ABLIM1: variants seen among roughly 807,000 people sequenced by gnomAD.
ABLIM1 encodes the protein actin binding LIM protein 1, also known as actin-binding LIM protein 1.
ABLIM1 carries 40 observed loss-of-function variants against 107.0 expected under a neutral mutation model. The ratio of observed to expected loss-of-function variants is 0.37; its 90% CI spans 0.29 to 0.49. The LOEUF (loss-of-function observed/expected upper bound fraction) is 0.49, where lower values mean the gene tolerates loss of function less well. ABLIM1 is among the 20% of genes least tolerant of loss of function. The pLI is 0.97. For synonymous variants in ABLIM1, 357 were observed against 357.3 expected (o/e 1.00, Z 0.01); for missense variants, 857 against 1,008.5 (o/e 0.85, Z 2.04).
intron 18 of ABLIM1, among the ~76,000 whole-genome samples, chr10:114,441,430 A>C (rs1252927468): frequency 2.6e-5 from 4 of 152,210 alleles, no homozygotes; most frequent in Non-Finnish European, 5.9e-5. Flanking sequence ...TCAAGTAATT[A>C]CTTTTTGTTT....
At chr10:114,617,204 G>A (rs1236559973) in intron 1 of ABLIM1, among the ~76,000 whole-genome samples, 1 of 150,740 alleles carries the variant, frequency 6.6e-6, no homozygotes, top group Admixed American at 6.6e-5. Context: ...GCCGAAGGCA[G>A]TTGAACACTG....
chr10:114,578,473 T>C (rs2483575), intron 2 of ABLIM1, among the ~76,000 whole-genome samples: 114,595 of 149,894 alleles, frequency 0.76, 44,739 homozygotes, highest in African/African-American at 0.91. Context: ...ATGGCATGAA[T>C]TCGGCTCACT....
chr10:114,582,779 T>A (rs1394061925), intron 2 of ABLIM1, among the ~76,000 whole-genome samples: 2 of 152,156 alleles, frequency 1.3e-5, no homozygotes, highest in Non-Finnish European at 2.9e-5. Flanking sequence ...CTCTATTCAA[T>A]AAACGGTGCT....
chr10:114,793,108 C>T, the ABLIM1 span, among the ~76,000 whole-genome samples: 5 of 152,068 alleles, frequency 3.3e-5, no homozygotes, highest in East Asian at 1.9e-4. Context: ...GCCGAGATCG[C>T]GCCTCTGCCC....
rs140009565 is a variant in ABLIM1, at chr10:114,553,056, T to C, written c.674-5280A>G. 2.9e-4 allele frequency among the ~76,000 whole-genome samples: 44 copies of C among 151,982 alleles called. 1 individual carries two copies. In the East Asian group the frequency reaches 7.4e-3, roughly 25 times the overall value. On this transcript the variant is annotated intron_variant, in intron 4 of 22. Coordinates refer to ENST00000533213, the MANE Select transcript of ABLIM1 (RefSeq NM_002313.7). ...GGCAGCAATTAAGCTTCTCTCAGCC[T>C]GGGCACCTATGTTCTCCTTGAGAAC...
At chr10:114,474,252 A>G (rs373545942) in intron 8 of ABLIM1, among the ~76,000 whole-genome samples, 2 of 151,722 alleles carry the variant, frequency 1.3e-5, no homozygotes, top group African/African-American at 4.8e-5. Context: ...CTCCCTCTCT[A>G]CTGCCGTAGT....
chr10:114,744,525 T>C (rs808328), intron 1 of ABLIM1, among the ~76,000 whole-genome samples: 1 of 152,080 alleles, frequency 6.6e-6, no homozygotes, highest in Non-Finnish European at 1.5e-5. Flanking sequence ...ATGCGCCTGG[T>C]GTCCCAGGGA....
the ABLIM1 span, among the ~76,000 whole-genome samples, chr10:114,774,865 CA>C: frequency 6.6e-6 from 1 of 151,970 alleles, no homozygotes; most frequent in Non-Finnish European, 1.5e-5. Flanking sequence ...TAGCAGAAGC[CA>C]GGGGAAAAAA....
intron 6 of ABLIM1, among the ~76,000 whole-genome samples, chr10:114,494,206 T>C (rs1177087125): frequency 1.3e-5 from 2 of 152,168 alleles, no homozygotes; most frequent in Non-Finnish European, 2.9e-5. Flanking sequence ...TAGAGAAAGA[T>C]AAATCTAGAT....
intron 1 of ABLIM1, chr10:114,613,711 G>A (rs138632161): frequency 3.0e-6 from 4 of 1,320,046 alleles, no homozygotes; most frequent in Non-Finnish European, 4.0e-6. Flanking sequence ...TGAGACCTGT[G>A]TTCACAGCAT....
At chr10:114,490,351 A>G (rs951332011) in intron 7 of ABLIM1, among the ~76,000 whole-genome samples, 1 of 152,196 alleles carries the variant, frequency 6.6e-6, no homozygotes, top group Non-Finnish European at 1.5e-5. Flanking sequence ...TTTCTCATGT[A>G]GCTAGCCTTT....
At chr10:114,630,713 C>A (rs1438207770) in intron 1 of ABLIM1, among the ~76,000 whole-genome samples, 1 of 152,124 alleles carries the variant, frequency 6.6e-6, no homozygotes, top group East Asian at 1.9e-4. Flanking sequence ...AAAGTAAACA[C>A]AGGTAAGTCA....
the ABLIM1 span, chr10:114,779,416 C>T: frequency 1.3e-5 from 2 of 152,244 alleles, no homozygotes; most frequent in Middle Eastern, 3.4e-3. Context: ...GCTTTCCTTG[C>T]CCTTTTTTCT....
intron 2 of ABLIM1, 115 bp downstream of exon 2, chr10:114,601,712 T>C (rs1359573584): frequency 1.3e-6 from 2 of 1,522,040 alleles, no homozygotes; most frequent in East Asian, 2.3e-5. Flanking sequence ...TCAGGGCTTC[T>C]GAGAGCATTC....
At chr10:114,614,394 G>A (rs1241796899) in intron 1 of ABLIM1, among the ~76,000 whole-genome samples, 1 of 152,122 alleles carries the variant, frequency 6.6e-6, no homozygotes, top group African/African-American at 2.4e-5. Context: ...AGAGGTTGCA[G>A]TGGGCTGAGA....
At chr10:114,480,269 G>A (rs975050722) in intron 8 of ABLIM1, among the ~76,000 whole-genome samples, 3 of 152,126 alleles carry the variant, frequency 2.0e-5, no homozygotes, top group Non-Finnish European at 2.9e-5. Flanking sequence ...AACCCAATGG[G>A]TCAGAAGCCT....
chr10:114,718,101 AAAAGAAAAAG>A (rs202053822), intron 1 of ABLIM1, among the ~76,000 whole-genome samples: 840 of 40,280 alleles, frequency 0.021, 54 homozygotes, highest in Non-Finnish European at 0.039. Flanking sequence ...AAGGAAAAGA[AAAAGAAAAAG>A]AAAGAAAGAA....
chr10:114,533,129 C>T (rs577665198), intron 6 of ABLIM1, among the ~76,000 whole-genome samples: 15 of 152,140 alleles, frequency 9.9e-5, no homozygotes, highest in Non-Finnish European at 2.2e-4. Context: ...CATTTGAGGT[C>T]AGGAGTTCAA....
At chr10:114,547,335 C>T (rs1014212211) in intron 5 of ABLIM1, among the ~76,000 whole-genome samples, 2 of 152,160 alleles carry the variant, frequency 1.3e-5, no homozygotes, top group Non-Finnish European at 2.9e-5. Flanking sequence ...CAAAGGCTTA[C>T]TAGTTCCTCA....
Sources: allele counts gnomAD v4.1 joint callset (sites outside exome capture counted in the v4.1 genomes callset), GRCh38; gene constraint gnomAD v4.1.1; transcripts MANE v1.5; gene names NCBI Gene and HGNC (gene_info 2026-07-23, HGNC 2026-07-21).